TMEM74: variants seen among roughly 807,000 people sequenced by gnomAD.
TMEM74 encodes transmembrane protein 74.
Under a neutral mutation model 18.1 loss-of-function variants are expected in TMEM74, and 13 were observed. That is an observed-to-expected ratio of 0.72 (90% CI 0.47 to 1.14). The LOEUF is 1.14. TMEM74 is among the 50% of genes most tolerant of loss of function. The pLI is 0.00. For synonymous variants in TMEM74, 159 were observed against 146.6 expected, an observed-to-expected ratio of 1.08 and a Z score of -0.61; for missense variants, 372 against 375.9, an observed-to-expected ratio of 0.99 and a Z score of 0.09.
chr8:108,759,890 G>A (rs1389287646), intron 1 of TMEM74, among the ~76,000 whole-genome samples: 1 of 152,072 alleles, frequency 6.6e-6, no homozygotes, highest in Non-Finnish European at 1.5e-5. Flanking sequence ...ACACAGTTCA[G>A]TCGTCTAATA....
chr8:108,734,332 T>TC (rs149291702), intron 1 of TMEM74, among the ~76,000 whole-genome samples: 4,183 of 152,154 alleles, frequency 0.027, 122 homozygotes, highest in African/African-American at 0.074. Flanking sequence ...CCCTATTTTT[T>TC]CACCTTGCAG....
rs1586298400 is a variant in TMEM74 at position 108,785,266 on chromosome 8, G to A, written c.-39-129C>T. 15 of 639,230 alleles carry A rather than the reference G, an allele frequency of 2.3e-5. No individual in the cohort carries two copies. In the East Asian group the frequency reaches 3.7e-4, roughly 16 times the overall value. 39.6% of individuals were successfully genotyped at this position (639,230 alleles called of 1,614,324 possible). ...TTAGCCCCTTTTCCACCTCAAACAG[G>A]CAAAAGAAGGGAGGGGATACCTAGT... On this transcript the variant is annotated intron_variant, in intron 1 of 1. Coordinates refer to ENST00000297459, the MANE Select transcript of TMEM74 (RefSeq NM_153015.3).
chr8:108,672,616 C>T (rs1308506717), intron 1 of TMEM74, among the ~76,000 whole-genome samples: 1 of 152,046 alleles, frequency 6.6e-6, no homozygotes. Flanking sequence ...AGGATGGAGC[C>T]CAGTTTGACA....
chr8:108,662,649 A>G (rs537207994), intron 1 of TMEM74, among the ~76,000 whole-genome samples: 1 of 152,298 alleles, frequency 6.6e-6, no homozygotes, highest in South Asian at 2.1e-4. Flanking sequence ...TGATGAGATT[A>G]GGGAAGGCCT....
intron 2 of TMEM74, among the ~76,000 whole-genome samples, chr8:108,622,458 T>C (rs1297659998): frequency 1.3e-5 from 2 of 152,124 alleles, no homozygotes; most frequent in East Asian, 3.9e-4. Context: ...ATTAAAACAC[T>C]GCAACAAACT....
intron 2 of TMEM74, among the ~76,000 whole-genome samples, chr8:108,634,681 A>G (rs1586241795): frequency 6.6e-6 from 1 of 151,980 alleles, no homozygotes; most frequent in East Asian, 1.9e-4. Flanking sequence ...CTCTTTAGGC[A>G]TGTGGGGAAA....
intron 1 of TMEM74, among the ~76,000 whole-genome samples, chr8:108,708,274 A>T: frequency 6.8e-6 from 1 of 146,702 alleles, no homozygotes; most frequent in Non-Finnish European, 1.5e-5. Flanking sequence ...TTTTTAATCC[A>T]GTCTACTGTT....
intron 2 of TMEM74, among the ~76,000 whole-genome samples, chr8:108,635,811 G>A (rs1378278556): frequency 6.6e-6 from 1 of 151,964 alleles, no homozygotes; most frequent in Non-Finnish European, 1.5e-5. Context: ...ATGTTGTCTT[G>A]CATTGTTCTT....
intron 1 of TMEM74, among the ~76,000 whole-genome samples, chr8:108,762,752 G>T (rs1024677949): frequency 1.3e-5 from 2 of 151,932 alleles, no homozygotes. Flanking sequence ...AAATTTAATA[G>T]AAGGCATAGT....
chr8:108,751,250 C>T (rs1813901875), intron 1 of TMEM74, among the ~76,000 whole-genome samples: 1 of 152,088 alleles, frequency 6.6e-6, no homozygotes, highest in South Asian at 2.1e-4. Context: ...TTTTGGGCTC[C>T]ATGATAAGCT....
intron 1 of TMEM74, among the ~76,000 whole-genome samples, chr8:108,757,435 T>G (rs1041589760): frequency 2.6e-5 from 4 of 152,126 alleles, no homozygotes; most frequent in African/African-American, 9.6e-5. Flanking sequence ...AGACTGTTCT[T>G]AAAATAAATG....
chr8:108,708,809 C>CAAAAAAAAAAA (rs71564016), intron 1 of TMEM74, among the ~76,000 whole-genome samples: 22 of 17,916 alleles, frequency 1.2e-3, no homozygotes, highest in Admixed American at 3.2e-3. Context: ...AACTCAATAG[C>CAAAAAAAAAAA]AAAAAAAAAA....
intron 2 of TMEM74, among the ~76,000 whole-genome samples, chr8:108,610,815 T>G (rs1208381049): frequency 2.6e-5 from 4 of 152,162 alleles, no homozygotes; most frequent in Non-Finnish European, 5.9e-5. Flanking sequence ...CTGAATAAGT[T>G]GTATGAGAGG....
intron 2 of TMEM74, among the ~76,000 whole-genome samples, chr8:108,644,377 T>G (rs981429192): frequency 6.6e-6 from 1 of 152,140 alleles, no homozygotes; most frequent in Non-Finnish European, 1.5e-5. Flanking sequence ...TATTTAAATA[T>G]TTAAATGTAA....
intron 2 of TMEM74, among the ~76,000 whole-genome samples, chr8:108,609,748 T>C (rs1812315504): frequency 6.6e-6 from 1 of 152,212 alleles, no homozygotes; most frequent in South Asian, 2.1e-4. Context: ...CTAAACCCTA[T>C]TTAGTAAAAA....
chr8:108,608,046 G>A (rs1004747227), intron 3 of TMEM74, among the ~76,000 whole-genome samples: 8 of 152,110 alleles, frequency 5.3e-5, no homozygotes, highest in African/African-American at 1.7e-4. Flanking sequence ...GCTCACACCT[G>A]TAATCCCAGC....
Position 108,731,103 on chromosome 8 carries a change from T to A in TMEM74, n.119+56373A>T, listed in dbSNP as rs1185456679. On this transcript the variant is annotated intron_variant and non_coding_transcript_variant, in intron 1 of 3. Transcript: ENST00000518838. ...TATCTTTTTCATTCATCTCTTAAAT[T>A]TGCCTTTTATAAACCTTTTTTGTGT... 8.5e-5 allele frequency among the ~76,000 whole-genome samples: 13 copies of A among 152,274 alleles called. No individual in the cohort carries two copies. The East Asian group carries it at 2.5e-3, about 29-fold the overall frequency.
At chr8:108,650,447 G>A (rs1251462300) in intron 2 of TMEM74, among the ~76,000 whole-genome samples, 1 of 152,124 alleles carries the variant, frequency 6.6e-6, no homozygotes, top group Non-Finnish European at 1.5e-5. Context: ...CCAAGCAAAA[G>A]CCAAAGTATT....
chr8:108,664,772 G>C (rs919894493), intron 1 of TMEM74, among the ~76,000 whole-genome samples: 1 of 151,994 alleles, frequency 6.6e-6, no homozygotes, highest in Non-Finnish European at 1.5e-5. Flanking sequence ...AACAAGTAGA[G>C]GATGTTAAGA....
Sources: gnomAD v4.1 joint callset for allele counts (sites outside exome capture counted in the v4.1 genomes callset) on GRCh38, gnomAD v4.1.1 for gene constraint, MANE v1.5 for transcripts, NCBI Gene and HGNC (gene_info 2026-07-23, HGNC 2026-07-21) for gene names.